The following GMDS variants were observed in gnomAD, a reference collection of about 807,000 sequenced individuals.
The protein encoded by GMDS is GDP-mannose 4,6-dehydratase, also known as GDP-mannose 4,6 dehydratase.
In GMDS, 20 loss-of-function variants were observed where a neutral mutation model predicts 49.9. The observed-to-expected ratio is 0.40, with a 90% CI of 0.28 to 0.58. GMDS has a LOEUF of 0.58. Among genes scored for constraint, GMDS ranks in the 20% least tolerant of loss-of-function variants. The pLI, the probability that GMDS is intolerant of heterozygous loss-of-function variation, is 0.42. For synonymous variants in GMDS, 177 were observed against 178.6 expected (o/e 0.99, Z 0.07); for missense variants, 362 against 481.4 (o/e 0.75, Z 2.32).
At chr6:2,110,794 G>A (rs1262927980) in intron 4 of GMDS, among the ~76,000 whole-genome samples, 1 of 152,138 alleles carries the variant, frequency 6.6e-6, no homozygotes, top group East Asian at 1.9e-4. Flanking sequence ...TATTTAAAGG[G>A]TTAGAAAAGG....
chr6:1,944,499 C>T (rs779389626), intron 6 of GMDS, among the ~76,000 whole-genome samples: 3 of 147,324 alleles, frequency 2.0e-5, no homozygotes, highest in African/African-American at 5.1e-5. Flanking sequence ...AGCCAGATTG[C>T]GTCTAAAAAA....
intron 1 of GMDS, among the ~76,000 whole-genome samples, chr6:2,139,602 ACTCTAATT>A (rs1351609924): frequency 1.3e-5 from 2 of 152,154 alleles, no homozygotes; most frequent in Admixed American, 6.5e-5. Flanking sequence ...AGAAGTCTTT[ACTCTAATT>A]ATCCCCACAT....
chr6:1,961,903 C>T (rs1255909499), intron 4 of GMDS, among the ~76,000 whole-genome samples: 1 of 152,180 alleles, frequency 6.6e-6, no homozygotes, highest in Non-Finnish European at 1.5e-5. Context: ...CAGGCAACTG[C>T]TCACCAGGGA....
chr6:2,067,030 C>T (rs1300258862), intron 4 of GMDS, among the ~76,000 whole-genome samples: 7 of 151,580 alleles, frequency 4.6e-5, no homozygotes. Flanking sequence ...CTCTCCTCAG[C>T]AAATGTAAAA....
intron 1 of GMDS, among the ~76,000 whole-genome samples, chr6:2,182,751 G>GAGTTAGATTGCA (rs1778609975): frequency 1.3e-5 from 2 of 152,292 alleles, no homozygotes; most frequent in Admixed American, 6.5e-5. Context: ...TGTTGCCCAG[G>GAGTTAGATTGCA]CCAGAGTACA....
Position 2,191,418 on chromosome 6 carries a change from C to T in GMDS, c.102+53903G>A, listed in dbSNP as rs1205125955. 2.6e-5 allele frequency among the ~76,000 whole-genome samples: 4 copies of T among 152,256 alleles called. No homozygotes were observed. Among genetic ancestry groups the T allele is most frequent in the African/African-American group, 4.8e-5 (2 of 41,564 alleles). On this transcript the variant is annotated intron_variant, in intron 1 of 10. Coordinates refer to ENST00000380815, the MANE Select transcript of GMDS (RefSeq NM_001500.4). The surrounding 1 kb of genome is among the most constrained non-coding windows in gnomAD (Gnocchi z 4.6). ...GCTGGGACTTCCCGCTTCATGGAAC[C>T]GGGAGCCAGGAGCAGGCACCAGCCC...
At chr6:1,738,072 C>G (rs555970341) in intron 8 of GMDS, among the ~76,000 whole-genome samples, 3 of 135,350 alleles carry the variant, frequency 2.2e-5, no homozygotes, top group African/African-American at 8.2e-5. Context: ...TACACACATA[C>G]CACACACACA....
intron 6 of GMDS, among the ~76,000 whole-genome samples, chr6:1,935,007 C>T (rs1762458651): frequency 6.6e-6 from 1 of 152,104 alleles, no homozygotes; most frequent in African/African-American, 2.4e-5. Context: ...ATCTCTTCTG[C>T]GATGAGATGA....
chr6:1,874,259 G>C (rs1758918412), intron 7 of GMDS, among the ~76,000 whole-genome samples: 1 of 152,164 alleles, frequency 6.6e-6, no homozygotes, highest in Non-Finnish European at 1.5e-5. Context: ...AGAAAGAAAT[G>C]TGAAAATCAA....
At chr6:1,819,859 T>C (rs1770824847) in intron 7 of GMDS, among the ~76,000 whole-genome samples, 2 of 150,516 alleles carry the variant, frequency 1.3e-5, no homozygotes, top group African/African-American at 4.9e-5. Context: ...TTAGGAGTAA[T>C]GTTTGTCTCC....
intron 7 of GMDS, among the ~76,000 whole-genome samples, chr6:1,746,661 A>G (rs941146523): frequency 2.0e-5 from 3 of 151,836 alleles, no homozygotes; most frequent in African/African-American, 7.3e-5. Context: ...TACAAATCCA[A>G]TTTGGAGAAG....
chr6:2,087,226 T>G (rs1175683173), intron 4 of GMDS, among the ~76,000 whole-genome samples: 1 of 152,216 alleles, frequency 6.6e-6, no homozygotes, highest in Non-Finnish European at 1.5e-5. Context: ...CATGATTCAT[T>G]TCTTGATTAG....
At chr6:2,201,153 T>G (rs1581788051) in intron 1 of GMDS, among the ~76,000 whole-genome samples, 1 of 125,126 alleles carries the variant, frequency 8.0e-6, no homozygotes, top group Non-Finnish European at 1.6e-5. Context: ...GATGAAACCA[T>G]CTAGGCAGTG....
chr6:2,065,623 T>C (rs1771525812), intron 4 of GMDS, among the ~76,000 whole-genome samples: 1 of 152,004 alleles, frequency 6.6e-6, no homozygotes, highest in Non-Finnish European at 1.5e-5. Context: ...ACGTGAAGAA[T>C]GCAGAAGCCT....
chr6:1,972,262 GTT>G (rs5873825), intron 4 of GMDS, among the ~76,000 whole-genome samples: 4 of 133,660 alleles, frequency 3.0e-5, no homozygotes, highest in African/African-American at 8.2e-5. Flanking sequence ...CTGGGTTTTT[GTT>G]TTTTTTTTTT....
At position 1,914,127 on chromosome 6, in the gene GMDS, G is replaced by GT. The variant is rs1225983780; in HGVS notation, c.771+15975dup. ...GTCAATTATCATGAAAGCGTTTTTTGTTTGTTTTTTTTTTTTTTTTTTTTT... is the reference window on the plus strand; with the variant it reads ...GTCAATTATCATGAAAGCGTTTTTTGTTTTGTTTTTTTTTTTTTTTTTTTTT... On this transcript the variant is annotated intron_variant, in intron 7 of 10. Coordinates refer to ENST00000380815, the MANE Select transcript of GMDS (RefSeq NM_001500.4). Among the ~76,000 whole-genome samples, 413 of 49,914 alleles carry GT rather than the reference G, an allele frequency of 8.3e-3. 2 individuals carry two copies. The highest frequency in any genetic ancestry group is 0.046 in the East Asian group (53 of 1,164). 32.7% of individuals were successfully genotyped at this position (49,914 alleles called of 152,430 possible). A position where few individuals can be genotyped will look rare whatever the true frequency, so the allele number is the denominator to read the frequency against.
rs1391491006 is a variant in GMDS, at chr6:1,729,403, A to T, written c.891-2891T>A. 2.0e-5 allele frequency among the ~76,000 whole-genome samples: 3 copies of T among 152,344 alleles called. No individual in the cohort carries two copies. The South Asian group carries it at 6.2e-4, about 32-fold the overall frequency. Reference sequence around the variant, plus strand: ...TGCAAATGCTGTCTACAGTCAAAACAGTCTCTAAGGGCATGGCATTGCCCT... The same window carrying T: ...TGCAAATGCTGTCTACAGTCAAAACTGTCTCTAAGGGCATGGCATTGCCCT... On this transcript the variant is annotated intron_variant, in intron 8 of 10. Transcript: ENST00000380815.
At chr6:2,006,614 T>C (rs1458986303) in intron 4 of GMDS, among the ~76,000 whole-genome samples, 1 of 152,176 alleles carries the variant, frequency 6.6e-6, no homozygotes, top group Non-Finnish European at 1.5e-5. Context: ...TTATATACTA[T>C]GTGTATTGTT....
At chr6:2,165,858 A>G (rs1777642110) in intron 1 of GMDS, among the ~76,000 whole-genome samples, 1 of 152,256 alleles carries the variant, frequency 6.6e-6, no homozygotes, top group Non-Finnish European at 1.5e-5. Context: ...AAAGAAACAC[A>G]GACATTCCAC....
Sources: gnomAD v4.1 joint callset for allele counts (sites outside exome capture counted in the v4.1 genomes callset) on GRCh38, gnomAD v4.1.1 for gene constraint, Gnocchi (gnomAD v3.1) non-coding constraint, MANE v1.5 for transcripts, NCBI Gene and HGNC (gene_info 2026-07-23, HGNC 2026-07-21) for gene names.